Variants in STARD13 observed in about 807,000 individuals in gnomAD.
The protein encoded by STARD13 is stAR-related lipid transfer protein 13.
In STARD13, 62 loss-of-function variants were observed where a neutral mutation model predicts 106.4. The ratio of observed to expected loss-of-function variants is 0.58; its 90% CI spans 0.48 to 0.72. The LOEUF (loss-of-function observed/expected upper bound fraction) is 0.72. Ranked by LOEUF, STARD13 falls within the 30% of genes least tolerant of loss-of-function variation. The pLI is 0.00. For missense variants in STARD13, 1,387 were observed against 1,424.0 expected (o/e 0.97, Z 0.42); for synonymous variants, 565 against 553.0 (o/e 1.02, Z -0.31).
At chr13:33,427,288 C>T in the STARD13 span, among the ~76,000 whole-genome samples, 2 of 152,064 alleles carry the variant, frequency 1.3e-5, no homozygotes, top group African/African-American at 4.8e-5. Flanking sequence ...TCCCAAATGC[C>T]CATATTTTCT....
At chr13:33,669,679 G>T in the STARD13 span, among the ~76,000 whole-genome samples, 1 of 151,830 alleles carries the variant, frequency 6.6e-6, no homozygotes, top group South Asian at 2.1e-4. Flanking sequence ...GGGATTACAG[G>T]CACCTGCCAC....
At chr13:33,128,166 C>T (rs1301923447) in intron 5 of STARD13, among the ~76,000 whole-genome samples, 1 of 150,858 alleles carries the variant, frequency 6.6e-6, no homozygotes, top group Admixed American at 6.6e-5. Flanking sequence ...GCGATAAAGA[C>T]AAAGAGAGAA....
At chr13:33,330,917 A>G (rs1257858200) in intron 1 of STARD13, among the ~76,000 whole-genome samples, 1 of 152,226 alleles carries the variant, frequency 6.6e-6, no homozygotes, top group Admixed American at 6.5e-5. Flanking sequence ...TCCATGCAAG[A>G]AAAGAGGCTC....
intron 1 of STARD13, among the ~76,000 whole-genome samples, chr13:33,341,740 G>A (rs556368021): frequency 6.6e-6 from 1 of 152,202 alleles, no homozygotes; most frequent in South Asian, 2.1e-4. Flanking sequence ...CCCAGGGTGG[G>A]CCAGCATATT....
At position 33,129,874 on chromosome 13, in the gene STARD13, C is replaced by T. The variant is rs1344437600; in HGVS notation, c.803G>A (p.Gly268Glu). 1 of 1,613,072 alleles carries T rather than the reference C, an allele frequency of 6.2e-7. No individual in the cohort carries two copies. The highest frequency in any genetic ancestry group is 8.5e-7 in the Non-Finnish European group (1 of 1,180,030). ...CTTATGCCTCCCGTGGGCTCCCTTC[C>T]CTCGGAGTGTTTCCATGCGTTTCAA... is the stretch of plus-strand genomic sequence containing the variant. ...SFLKRMETLR[G>E]KGAHGRHKGS... The change falls in exon 5 of 14, where the codon GGG becomes GAG. Residue 268 changes from glycine to glutamate, a missense_variant. By Grantham distance (98) the Gly-to-Glu change is moderately conservative (BLOSUM62 -2). Coordinates refer to ENST00000336934, the MANE Select transcript of STARD13 (RefSeq NM_178006.4).
At chr13:33,345,602 A>C (rs761050052), downstream of STARD13, among the ~76,000 whole-genome samples, 1 of 152,204 alleles carries the variant, frequency 6.6e-6, no homozygotes. Flanking sequence ...GCATAATTTT[A>C]GAAAATTAAG....
the STARD13 span, among the ~76,000 whole-genome samples, chr13:33,615,981 T>G: frequency 6.6e-6 from 1 of 152,226 alleles, no homozygotes; most frequent in Non-Finnish European, 1.5e-5. Context: ...GTTGAGAATG[T>G]CATACCATCA....
At chr13:33,320,033 T>C (rs1023594615) in intron 1 of STARD13, among the ~76,000 whole-genome samples, 1 of 152,176 alleles carries the variant, frequency 6.6e-6, no homozygotes, top group East Asian at 1.9e-4. Context: ...TTGCCTACTG[T>C]TGTAAATGTT....
the STARD13 span, among the ~76,000 whole-genome samples, chr13:33,501,075 CTCCT>C: frequency 7.3e-6 from 1 of 137,676 alleles, no homozygotes; most frequent in African/African-American, 2.9e-5. Flanking sequence ...TCTTCTCTCT[CTCCT>C]TTTTTTTTTT....
intron 1 of STARD13, among the ~76,000 whole-genome samples, chr13:33,224,627 G>A (rs1030867698): frequency 6.6e-6 from 1 of 152,198 alleles, no homozygotes; most frequent in Non-Finnish European, 1.5e-5. Context: ...AGCAGCCAAA[G>A]CTAGTCACAT....
chr13:33,551,747 C>T, the STARD13 span, among the ~76,000 whole-genome samples: 6 of 151,454 alleles, frequency 4.0e-5, no homozygotes, highest in African/African-American at 1.2e-4. Context: ...TACAGGTGCC[C>T]ACCACCATAC....
rs528107621 is a variant in STARD13 at position 33,130,755 on chromosome 13, T to C, written c.388-466A>G. ...ATATTTCCAGCTTGCCCCATCTGAA[T>C]CTCAGCTTCAGTATATCTCAAAGCT... is the stretch of plus-strand genomic sequence containing the variant. On this transcript the variant is annotated intron_variant, in intron 4 of 13. Transcript: ENST00000336934. This position sits in a 1 kb window ranked among gnomAD's most constrained non-coding sequence, Gnocchi z 4.1. 6.6e-6 allele frequency among the ~76,000 whole-genome samples: 1 copy of C among 152,196 alleles called. No individual in the cohort carries two copies. Among genetic ancestry groups the C allele is most frequent in the Non-Finnish European group, 1.5e-5 (1 of 68,030 alleles).
chr13:33,336,748 C>T (rs573165110), intron 1 of STARD13: 1 of 62,734 alleles, frequency 1.6e-5, no homozygotes, highest in East Asian at 4.6e-4. Flanking sequence ...ACAGCAAGAC[C>T]CTGTATCAGA....
At chr13:33,162,367 C>T (rs1882735079) in intron 3 of STARD13, among the ~76,000 whole-genome samples, 1 of 152,232 alleles carries the variant, frequency 6.6e-6, no homozygotes, top group East Asian at 1.9e-4. Flanking sequence ...GTCCTGGAGA[C>T]ATTTTCCCCA....
At chr13:33,238,791 C>T (rs1026511360) in intron 1 of STARD13, among the ~76,000 whole-genome samples, 2 of 152,040 alleles carry the variant, frequency 1.3e-5, no homozygotes, top group Middle Eastern at 3.2e-3. Flanking sequence ...GCTTTATATA[C>T]ATTATCTCTG....
the STARD13 span, among the ~76,000 whole-genome samples, chr13:33,547,069 G>A: frequency 6.6e-6 from 1 of 152,020 alleles, no homozygotes; most frequent in Non-Finnish European, 1.5e-5. Flanking sequence ...CATTTATAAG[G>A]CTTTTAAGTA....
the STARD13 span, among the ~76,000 whole-genome samples, chr13:33,469,965 A>T: frequency 6.6e-6 from 1 of 152,066 alleles, no homozygotes; most frequent in Non-Finnish European, 1.5e-5. Context: ...GTGCAGGTTT[A>T]GCATAGGTAT....
the STARD13 span, among the ~76,000 whole-genome samples, chr13:33,405,296 C>T: frequency 5.9e-5 from 9 of 152,246 alleles, no homozygotes; most frequent in South Asian, 2.1e-4. Flanking sequence ...CTCCACACTT[C>T]GCGTGCCCCT....
chr13:33,427,431 T>G, the STARD13 span, among the ~76,000 whole-genome samples: 2 of 152,216 alleles, frequency 1.3e-5, no homozygotes, highest in Admixed American at 6.5e-5. Flanking sequence ...TACAAATATT[T>G]TAAGTCAAGA....
Sources: gnomAD v4.1 joint callset for allele counts (sites outside exome capture counted in the v4.1 genomes callset) on GRCh38, gnomAD v4.1.1 for gene constraint, Gnocchi (gnomAD v3.1) non-coding constraint, MANE v1.5 for transcripts, NCBI Gene and HGNC (gene_info 2026-07-23, HGNC 2026-07-21) for gene names.